Variants in STX18 observed in about 807,000 individuals in gnomAD.
STX18 encodes the protein syntaxin 18, also known as syntaxin-18.
In STX18, 40 loss-of-function variants were observed where a neutral mutation model predicts 50.1. That is an observed-to-expected ratio of 0.80 (90% CI 0.62 to 1.04). The LOEUF is 1.04. Ranked by LOEUF, STX18 falls within the 50% of genes least tolerant of loss-of-function variation. The pLI, the probability that STX18 is intolerant of heterozygous loss-of-function variation, is 0.00. For missense variants in STX18, 410 were observed against 415.8 expected, an observed-to-expected ratio of 0.99 and a Z score of 0.12; for synonymous variants, 158 against 151.8, an observed-to-expected ratio of 1.04 and a Z score of -0.30.
chr4:4,538,178 G>A (rs1324938368), intron 1 of STX18, among the ~76,000 whole-genome samples: 1 of 151,766 alleles, frequency 6.6e-6, no homozygotes, highest in East Asian at 1.9e-4. Context: ...TATATGTCAA[G>A]TAGATTTCAA....
At chr4:4,457,693 A>T (rs1351940782) in intron 3 of STX18, among the ~76,000 whole-genome samples, 193 bp from the exon 4 acceptor site, 1 of 152,214 alleles carries the variant, frequency 6.6e-6, no homozygotes, top group Non-Finnish European at 1.5e-5. Context: ...GAAAGATTAA[A>T]CCTGTAGAAA....
chr4:4,499,212 A>G (rs1367448201), intron 1 of STX18, among the ~76,000 whole-genome samples: 1 of 152,168 alleles, frequency 6.6e-6, no homozygotes, highest in Non-Finnish European at 1.5e-5. Context: ...ACAACTCTAA[A>G]CCGTACCTTG....
intron 6 of STX18, among the ~76,000 whole-genome samples, chr4:4,435,196 T>C (rs1305093459): frequency 6.6e-6 from 1 of 152,192 alleles, no homozygotes; most frequent in Non-Finnish European, 1.5e-5. Flanking sequence ...TCTTAAAGTA[T>C]GTTTTACTTC....
chr4:4,528,488 T>C (rs571264581), intron 1 of STX18, among the ~76,000 whole-genome samples: 2 of 152,330 alleles, frequency 1.3e-5, no homozygotes, highest in Admixed American at 6.5e-5. Context: ...CCTGCCATGA[T>C]TGTGAGCTTC....
At chr4:4,428,141 C>A (rs1416678794) in intron 7 of STX18, among the ~76,000 whole-genome samples, 1 of 152,222 alleles carries the variant, frequency 6.6e-6, no homozygotes, top group African/African-American at 2.4e-5. Flanking sequence ...AACCTGTGTG[C>A]CTCCCTTCGT....
At chr4:4,482,668 C>T (rs1180607418) in intron 1 of STX18, among the ~76,000 whole-genome samples, 1 of 152,224 alleles carries the variant, frequency 6.6e-6, no homozygotes, top group Admixed American at 6.5e-5. Flanking sequence ...AGCAAGCCTC[C>T]TCTTCTCTGC....
Position 4,420,480 on chromosome 4 carries a change from T to C in STX18, c.913-351A>G. 1 of 390,750 alleles carries C rather than the reference T, an allele frequency of 2.6e-6. No individual in the cohort carries two copies. Among genetic ancestry groups the C allele is most frequent in the South Asian group, 3.3e-5 (1 of 30,560 alleles). The allele number at this position is 390,750 out of a possible 1,614,324, so 24.2% of individuals were successfully genotyped here. A position where few individuals can be genotyped will look rare whatever the true frequency, so the allele number is the denominator to read the frequency against. On this transcript the variant is annotated intron_variant, in intron 10 of 10. Transcript: ENST00000306200. The surrounding 1 kb of genome is among the most constrained non-coding windows in gnomAD (Gnocchi z 4.3). ...GTGACCCAACCCTGAGGACTGAGCTTGGGAAACAGTCCCCTCAACAGGATG... is the reference window on the plus strand; with the variant it reads ...GTGACCCAACCCTGAGGACTGAGCTCGGGAAACAGTCCCCTCAACAGGATG...
chr4:4,423,651 A>G (rs1725082511), intron 8 of STX18, 64 bp from the exon 9 acceptor site: 4 of 1,503,186 alleles, frequency 2.7e-6, no homozygotes, highest in Non-Finnish European at 2.8e-6. Flanking sequence ...GGACTGTTAC[A>G]CACTTCTAAA....
At position 4,536,916 on chromosome 4, in the gene STX18, C is replaced by G. The variant is rs148502665; in HGVS notation, c.168+4881G>C. Among the ~76,000 whole-genome samples, 57 of 152,324 alleles carry G rather than the reference C, an allele frequency of 3.7e-4. 1 individual carries two copies. Among genetic ancestry groups the G allele is most frequent in the Non-Finnish European group, 1.9e-4 (13 of 68,032 alleles). On this transcript the variant is annotated intron_variant, in intron 1 of 10. Transcript: ENST00000306200. ...AAAGTGTCCTTATTCTACAAGAAATCTCTGCAGTTATCTAATCGAAGCTTT... is the reference window on the plus strand; with the variant it reads ...AAAGTGTCCTTATTCTACAAGAAATGTCTGCAGTTATCTAATCGAAGCTTT...
chr4:4,508,626 G>C (rs1729850093), intron 1 of STX18, among the ~76,000 whole-genome samples: 1 of 152,118 alleles, frequency 6.6e-6, no homozygotes, highest in South Asian at 2.1e-4. Flanking sequence ...CATGTGCCGT[G>C]GTGGTTTGCT....
intron 5 of STX18, among the ~76,000 whole-genome samples, chr4:4,452,345 GCTATA>G (rs1365897610): frequency 1.3e-5 from 2 of 152,322 alleles, no homozygotes; most frequent in East Asian, 3.9e-4. Context: ...GATCAAAGTG[GCTATA>G]CTAAACAACA....
intron 7 of STX18, among the ~76,000 whole-genome samples, chr4:4,429,512 G>C (rs1725418651): frequency 6.6e-6 from 1 of 152,246 alleles, no homozygotes; most frequent in East Asian, 1.9e-4. Flanking sequence ...GGAGCACAGG[G>C]GGACCATCCC....
intron 1 of STX18, among the ~76,000 whole-genome samples, chr4:4,477,034 T>C (rs558553486): frequency 6.6e-6 from 1 of 152,110 alleles, no homozygotes; most frequent in Admixed American, 6.5e-5. Flanking sequence ...ACCCCGTCTC[T>C]ATTAAAAATA....
Position 4,496,952 on chromosome 4 carries a change from G to C in STX18, c.169-25246C>G, listed in dbSNP as rs367628367. Among the ~76,000 whole-genome samples the C allele has an allele frequency of 1.4e-4, 21 of 152,326 alleles. 1 individual carries two copies. The highest frequency in any genetic ancestry group is 5.1e-4 in the African/African-American group (21 of 41,574). On this transcript the variant is annotated intron_variant, in intron 1 of 10. Coordinates refer to ENST00000306200, the MANE Select transcript of STX18 (RefSeq NM_016930.4). ...TCATAAGGCCAGGACAAACTAGCCT[G>C]CATCTAAAGAAGACTTAAGTAGAGT...
intron 5 of STX18, among the ~76,000 whole-genome samples, chr4:4,448,152 C>G (rs1412551272): frequency 6.6e-6 from 1 of 152,136 alleles, no homozygotes; most frequent in African/African-American, 2.4e-5. Flanking sequence ...TGATGCCCTC[C>G]CACGCTGTCT....
At chr4:4,522,594 G>A (rs553479287) in intron 1 of STX18, among the ~76,000 whole-genome samples, 3 of 152,292 alleles carry the variant, frequency 2.0e-5, no homozygotes, top group East Asian at 1.9e-4. Flanking sequence ...AAATGTGGAG[G>A]AGCAACTCAC....
chr4:4,526,629 C>T (rs570348162), intron 1 of STX18, among the ~76,000 whole-genome samples: 4 of 152,226 alleles, frequency 2.6e-5, no homozygotes, highest in African/African-American at 7.2e-5. Flanking sequence ...AGTATAGAAG[C>T]AAATATGCTT....
At chr4:4,537,271 G>A (rs574302337) in intron 1 of STX18, among the ~76,000 whole-genome samples, 1 of 152,198 alleles carries the variant, frequency 6.6e-6, no homozygotes, top group South Asian at 2.1e-4. Context: ...AAGACAGCCA[G>A]GCAGGCAAGG....
At chr4:4,475,472 A>C (rs938020865) in intron 1 of STX18, among the ~76,000 whole-genome samples, 28 of 65,732 alleles carry the variant, frequency 4.3e-4, no homozygotes, top group African/African-American at 3.2e-3. Flanking sequence ...AAAAAAAAAC[A>C]AAAAAAAAAA....
Sources: gnomAD v4.1 joint callset for allele counts (sites outside exome capture counted in the v4.1 genomes callset) on GRCh38, gnomAD v4.1.1 for gene constraint, Gnocchi (gnomAD v3.1) non-coding constraint, MANE v1.5 for transcripts, NCBI Gene and HGNC (gene_info 2026-07-23, HGNC 2026-07-21) for gene names.